Variants in TXNDC16 observed in about 807,000 individuals in gnomAD.
The protein encoded by TXNDC16 is thioredoxin domain-containing protein 16.
TXNDC16 carries 74 observed loss-of-function variants against 85.6 expected under a neutral mutation model. The ratio of observed to expected loss-of-function variants is 0.86; its 90% CI spans 0.72 to 1.05. The LOEUF is 1.05. Among genes scored for constraint, TXNDC16 ranks in the 50% least tolerant of loss-of-function variants. The probability of loss-of-function intolerance (pLI) is 0.00; values close to 1 mark genes in which losing one functional copy is unlikely to be tolerated. For missense variants in TXNDC16, 959 were observed against 947.0 expected (o/e 1.01, Z -0.17); for synonymous variants, 335 against 326.5 (o/e 1.03, Z -0.28).
chr14:52,447,143 T>C (rs2035303597), intron 18 of TXNDC16, among the ~76,000 whole-genome samples: 1 of 151,916 alleles, frequency 6.6e-6, no homozygotes, highest in South Asian at 2.1e-4. Flanking sequence ...TTGGATGGCA[T>C]TTCTGGACCT....
intron 12 of TXNDC16, 112 bp downstream of exon 12, chr14:52,488,251 A>T: frequency 7.6e-7 from 1 of 1,322,824 alleles, no homozygotes; most frequent in Non-Finnish European, 1.0e-6. Context: ...AGGTTTCTTT[A>T]CAGAGTCTTG....
chr14:52,530,175 T>C (rs1355976690), intron 6 of TXNDC16, among the ~76,000 whole-genome samples: 1 of 87,578 alleles, frequency 1.1e-5, no homozygotes, highest in African/African-American at 4.7e-5. Context: ...TATTATATTA[T>C]ATATAAATAT....
intron 6 of TXNDC16, among the ~76,000 whole-genome samples, chr14:52,525,106 G>A (rs2037297104): frequency 6.6e-6 from 1 of 151,668 alleles, no homozygotes; most frequent in South Asian, 2.1e-4. Context: ...TGGGCAACAT[G>A]AGCGAAACTA....
intron 2 of TXNDC16, 24 bp from the exon 3 acceptor site, chr14:52,543,654 A>G: frequency 1.5e-6 from 2 of 1,372,330 alleles, no homozygotes; most frequent in Non-Finnish European, 2.0e-6. Context: ...GGTATTCAAC[A>G]AGAGTTTGTT....
chr14:52,530,284 TA>T (rs544127034), intron 6 of TXNDC16, among the ~76,000 whole-genome samples: 284 of 39,812 alleles, frequency 7.1e-3, no homozygotes, highest in East Asian at 0.019. Flanking sequence ...ATTTAATATA[TA>T]ATTATTATAT....
At chr14:52,526,274 T>C (rs1423009927) in intron 6 of TXNDC16, among the ~76,000 whole-genome samples, 1 of 152,198 alleles carries the variant, frequency 6.6e-6, no homozygotes, top group African/African-American at 2.4e-5. Flanking sequence ...TACAAAGTGG[T>C]AATACTTTTA....
At chr14:52,445,171 C>A (rs2035250020) in intron 18 of TXNDC16, among the ~76,000 whole-genome samples, 1 of 152,068 alleles carries the variant, frequency 6.6e-6, no homozygotes, top group African/African-American at 2.4e-5. Flanking sequence ...CAAACAAAGG[C>A]TTCTAGTAAT....
At chr14:52,549,552 T>C (rs768521858) in intron 1 of TXNDC16, among the ~76,000 whole-genome samples, 3 of 152,148 alleles carry the variant, frequency 2.0e-5, no homozygotes, top group Non-Finnish European at 4.4e-5. Flanking sequence ...GTAGAACAGC[T>C]GGTAGCCCTC....
intron 8 of TXNDC16, among the ~76,000 whole-genome samples, chr14:52,514,501 T>G (rs985636437): frequency 6.6e-6 from 1 of 152,142 alleles, no homozygotes; most frequent in Non-Finnish European, 1.5e-5. Context: ...ACATTTAAGA[T>G]TATTATGACA....
At chr14:52,475,698 C>T (rs1026304701) in intron 14 of TXNDC16, among the ~76,000 whole-genome samples, 3 of 152,152 alleles carry the variant, frequency 2.0e-5, no homozygotes, top group Admixed American at 6.5e-5. Flanking sequence ...CTCAGACACG[C>T]CTAGCCCTGC....
chr14:52,481,073 T>G (rs2036140376), intron 14 of TXNDC16, among the ~76,000 whole-genome samples: 1 of 150,948 alleles, frequency 6.6e-6, no homozygotes, highest in African/African-American at 2.4e-5. Context: ...GACTGGAGAC[T>G]ATTATTCTAA....
At chr14:52,521,773 C>T (rs897122523) in intron 6 of TXNDC16, among the ~76,000 whole-genome samples, 11 of 152,168 alleles carry the variant, frequency 7.2e-5, no homozygotes, top group African/African-American at 2.7e-4. Context: ...GCAGTATTCA[C>T]TATGTGCTAG....
intron 6 of TXNDC16, among the ~76,000 whole-genome samples, chr14:52,526,438 ATGTGCCCCTGTAGAAGGAAATCC>A (rs1363061215): frequency 2.6e-5 from 4 of 152,142 alleles, no homozygotes; most frequent in African/African-American, 9.7e-5. Flanking sequence ...ATGCATTTAC[ATGTGCCCCTGTAGAAGGAAATCC>A]TGTGTGGCTC....
intron 18 of TXNDC16, among the ~76,000 whole-genome samples, chr14:52,449,771 A>C (rs532612964): frequency 5.3e-5 from 8 of 152,280 alleles, no homozygotes; most frequent in African/African-American, 1.7e-4. Context: ...ACCACAATGG[A>C]ATAAAACTAG....
chr14:52,522,403 C>T (rs1251059447), intron 6 of TXNDC16, among the ~76,000 whole-genome samples: 3 of 152,098 alleles, frequency 2.0e-5, no homozygotes, highest in Non-Finnish European at 4.4e-5. Flanking sequence ...TAGGCAGAGC[C>T]CAAGTGAAAG....
intron 18 of TXNDC16, among the ~76,000 whole-genome samples, chr14:52,445,165 C>T (rs2035249714): frequency 6.6e-6 from 1 of 152,058 alleles, no homozygotes; most frequent in African/African-American, 2.4e-5. Flanking sequence ...AAAAGCCAAA[C>T]AAAGGCTTCT....
intron 6 of TXNDC16, among the ~76,000 whole-genome samples, chr14:52,530,304 A>AAT: frequency 2.0e-5 from 1 of 50,740 alleles, no homozygotes; most frequent in Non-Finnish European, 3.2e-5. Flanking sequence ...ATATAATATT[A>AAT]ATATATAATA....
intron 7 of TXNDC16, among the ~76,000 whole-genome samples, chr14:52,515,669 A>ATATGTGTGTGTG (rs1431250631): frequency 4.8e-5 from 7 of 144,348 alleles, no homozygotes; most frequent in African/African-American, 1.8e-4. Flanking sequence ...TTTCATACAT[A>ATATGTGTGTGTG]TGTGTGTGTG....
intron 20 of TXNDC16, among the ~76,000 whole-genome samples, chr14:52,435,683 A>T (rs2035008792): frequency 6.6e-6 from 1 of 152,162 alleles, no homozygotes; most frequent in African/African-American, 2.4e-5. Flanking sequence ...GAATAGGGCC[A>T]GGTGCAGTGG....
Sources: allele counts gnomAD v4.1 joint callset (sites outside exome capture counted in the v4.1 genomes callset), GRCh38; gene constraint gnomAD v4.1.1; transcripts MANE v1.5; gene names NCBI Gene and HGNC (gene_info 2026-07-23, HGNC 2026-07-21).